The following HOOK2 variants were observed in gnomAD, a reference collection of about 807,000 sequenced individuals.
HOOK2 encodes hook microtubule tethering protein 2.
HOOK2 carries 108 observed loss-of-function variants against 111.9 expected under a neutral mutation model. That is an observed-to-expected ratio of 0.96 (90% CI 0.83 to 1.13). The LOEUF (loss-of-function observed/expected upper bound fraction) is 1.13, where lower values mean the gene tolerates loss of function less well. Ranked by LOEUF, HOOK2 falls within the 50% of genes most tolerant of loss-of-function variation. HOOK2 has a pLI of 0.00. For missense variants in HOOK2, 978 were observed against 951.3 expected (o/e 1.03, Z -0.37); for synonymous variants, 405 against 394.3 (o/e 1.03, Z -0.32).
At position 12,769,925 on chromosome 19, in the gene HOOK2, G is replaced by A. The variant is rs918508896; in HGVS notation, c.1060C>T (p.Arg354Ter). ...RTRQLEDELRRAGSLRAQLEA... is the reference protein window; with the variant it reads ...RTRQLEDELR ...AGCTGGGCGCGCAGGGAGCCCGCTC[G>A]GCGTAGCTCATCCTCCAGTTGTCGC... Residue 354 changes from arginine to a stop codon, truncating the protein, a stop_gained, in exon 11 of 23, where the codon CGA becomes TGA. Coordinates refer to ENST00000397668, the MANE Select transcript of HOOK2 (RefSeq NM_013312.3). LOFTEE classifies it high-confidence loss of function. The A allele has an allele frequency of 3.2e-6, 5 of 1,544,534 alleles. No individual in the cohort carries two copies. The highest frequency in any genetic ancestry group is 2.8e-5 in the African/African-American group (2 of 71,754).
At chr19:12,781,527 T>C (rs986201805), upstream of HOOK2, among the ~76,000 whole-genome samples, 18 of 151,386 alleles carry the variant, frequency 1.2e-4, no homozygotes, top group Admixed American at 2.6e-4. Flanking sequence ...GGGGTTTCAG[T>C]GTGTTAGCCA....
chr19:12,769,866 C>T lies in HOOK2; in HGVS notation c.1104+15G>A. 1 of 1,415,870 alleles carries T rather than the reference C, an allele frequency of 7.1e-7. No individual in the cohort carries two copies. The highest frequency in any genetic ancestry group is 9.1e-7 in the Non-Finnish European group (1 of 1,094,960). 87.7% of individuals were successfully genotyped at this position (1,415,870 alleles called of 1,614,324 possible). The stretch of plus-strand genomic sequence containing the variant: ...CAGGGGCGGGGCCCCGGCCCTAACC[C>T]CGCCCCCGCCGCACCTGCCGCCGCT... On this transcript the variant is annotated intron_variant, in intron 11 of 22. Transcript: ENST00000397668.
In HOOK2 at chr19:12,773,549, C is replaced by A. The variant is rs566466358; in HGVS notation, c.205-505G>T. Among the ~76,000 whole-genome samples, 25 of 152,048 alleles carry A rather than the reference C, an allele frequency of 1.6e-4. No individual in the cohort carries two copies. The South Asian group carries it at 5.0e-3, about 30-fold the overall frequency. On this transcript the variant is annotated intron_variant, in intron 3 of 22. Transcript: ENST00000397668. ...GGCATGAGCCACTGTGCCCGGCCTG[C>A]CTGACCATCTTCCTTCATATGTCTC...
intron 6 of HOOK2, 46 bp from the exon 7 acceptor site, chr19:12,772,298 C>T: frequency 6.3e-7 from 1 of 1,591,102 alleles, no homozygotes; most frequent in Non-Finnish European, 8.6e-7. Flanking sequence ...TATCTGAGGC[C>T]AGCCTTCAAA....
upstream of HOOK2, among the ~76,000 whole-genome samples, chr19:12,782,566 G>A (rs1257365286): frequency 3.3e-5 from 5 of 152,294 alleles, no homozygotes; most frequent in Non-Finnish European, 1.5e-5. Flanking sequence ...GAGACACGAC[G>A]GGGGTCGCTG....
At chr19:12,775,578 T>A (rs1449607934), upstream of HOOK2, 1 of 660,198 alleles carries the variant, frequency 1.5e-6, no homozygotes, top group Non-Finnish European at 1.9e-6. Flanking sequence ...CCCGCCCCCC[T>A]AGGCGCAGGC....
intron 3 of HOOK2, among the ~76,000 whole-genome samples, chr19:12,788,148 G>A (rs1968674135): frequency 6.6e-6 from 1 of 152,194 alleles, no homozygotes; most frequent in Admixed American, 6.5e-5. Context: ...TGCTTCTCTG[G>A]TTGTCATTAT....
chr19:12,769,197 C>A (rs565456096), intron 11 of HOOK2, among the ~76,000 whole-genome samples: 3 of 152,094 alleles, frequency 2.0e-5, no homozygotes, highest in South Asian at 4.2e-4. Context: ...GATCTCCTGA[C>A]CTCGGGATCC....
chr19:12,789,443 G>A (rs141929059), intron 3 of HOOK2, among the ~76,000 whole-genome samples: 1 of 152,278 alleles, frequency 6.6e-6, no homozygotes, highest in Non-Finnish European at 1.5e-5. Flanking sequence ...TCTAGGGAAG[G>A]AGGGGGGCTC....
In HOOK2 at chr19:12,790,003, C is replaced by T. The variant is rs886651597; in HGVS notation, n.42-15778G>A. Reference sequence around the variant, plus strand: ...GGGCCGGCCCGCGCTCAGTCCTGCCCGCGGACTCCCGCCTGTTGCCATGGC... The same window carrying T: ...GGGCCGGCCCGCGCTCAGTCCTGCCTGCGGACTCCCGCCTGTTGCCATGGC... On this transcript the variant is annotated intron_variant and non_coding_transcript_variant, in intron 3 of 3. Transcript: ENST00000589765. This position sits in a 1 kb window ranked among gnomAD's most constrained non-coding sequence, Gnocchi z 7.2. Among the ~76,000 whole-genome samples, 8 of 152,162 alleles carry T rather than the reference C, an allele frequency of 5.3e-5. No individual in the cohort carries two copies. The highest frequency in any genetic ancestry group is 8.8e-5 in the Non-Finnish European group (6 of 67,992).
chr19:12,784,354 G>A (rs1968636699), intron 3 of HOOK2, among the ~76,000 whole-genome samples: 1 of 152,074 alleles, frequency 6.6e-6, no homozygotes, highest in East Asian at 1.9e-4. Flanking sequence ...ATACAGCTGG[G>A]TAAGATGATC....
At position 12,771,058 on chromosome 19, in the gene HOOK2, C is replaced by A. The variant is rs1217380320; in HGVS notation, c.776G>T (p.Arg259Met). The change falls in exon 10 of 23, where the codon AGG becomes ATG. Residue 259 changes from arginine to methionine, a missense_variant. Physicochemically the swap from Arg to Met is moderately conservative, Grantham distance 91 (BLOSUM62 -1). Coordinates refer to ENST00000397668, the MANE Select transcript of HOOK2 (RefSeq NM_013312.3). Reference protein sequence around the residue: ...QEENFRLESGREDERLRCAEL... With the variant: ...QEENFRLESGMEDERLRCAEL... ...GGCACAGCGCAGGCGCTCATCCTCC[C>A]TGCCACTCTCCAGCCTGGGGGTGTT... is the stretch of plus-strand genomic sequence containing the variant. 2 of 1,612,820 alleles carry A rather than the reference C, an allele frequency of 1.2e-6. No individual in the cohort carries two copies. Among genetic ancestry groups the A allele is most frequent in the Non-Finnish European group, 1.7e-6 (2 of 1,179,112 alleles).
intron 1 of HOOK2, 103 bp from the exon 2 acceptor site, chr19:12,775,000 C>A: frequency 1.6e-6 from 2 of 1,226,940 alleles, no homozygotes; most frequent in Non-Finnish European, 2.3e-6. Flanking sequence ...CATGGTGGGG[C>A]GGGCGCTGCT....
chr19:12,785,885 AG>A (rs1328200363), intron 3 of HOOK2, among the ~76,000 whole-genome samples: 2 of 152,020 alleles, frequency 1.3e-5, no homozygotes, highest in African/African-American at 4.8e-5. Flanking sequence ...CACTTCCCCT[AG>A]GAGGCCTAGC....
upstream of HOOK2, among the ~76,000 whole-genome samples, chr19:12,782,699 G>A (rs1700685823): frequency 1.3e-5 from 2 of 152,160 alleles, no homozygotes; most frequent in South Asian, 4.1e-4. Context: ...GAGGCGCGCA[G>A]GGCAGGACCA....
Position 12,772,689 on chromosome 19 carries a change from C to T in HOOK2, c.389-9G>A, listed in dbSNP as rs1968371144. On this transcript the variant is annotated splice_polypyrimidine_tract_variant and intron_variant, in intron 5 of 22. Transcript: ENST00000397668. Reference sequence around the variant, plus strand: ...GATTCTCTGGATGTGGTCTGGGGATCAAGGTGGGGGAGGCTGAGACCCAGG... The same window carrying T: ...GATTCTCTGGATGTGGTCTGGGGATTAAGGTGGGGGAGGCTGAGACCCAGG... 5 of 1,614,154 alleles carry T rather than the reference C, an allele frequency of 3.1e-6. No individual in the cohort carries two copies. Among genetic ancestry groups the T allele is most frequent in the Non-Finnish European group, 4.2e-6 (5 of 1,179,994 alleles).
In HOOK2 at chr19:12,765,841, G is replaced by T; in HGVS notation, c.1600-7C>A. On this transcript the variant is annotated splice_region_variant and splice_polypyrimidine_tract_variant and intron_variant, in intron 16 of 22. Coordinates refer to ENST00000397668, the MANE Select transcript of HOOK2 (RefSeq NM_013312.3). Reference sequence around the variant, plus strand: ...CCATGGTACTTACAATGGCCTGTATGGGGCATCGGGCAGCATGGGAGAGAG... The same window carrying T: ...CCATGGTACTTACAATGGCCTGTATTGGGCATCGGGCAGCATGGGAGAGAG... 1.2e-6 allele frequency: 2 copies of T among 1,611,092 alleles called. No individual in the cohort carries two copies. Among genetic ancestry groups the T allele is most frequent in the South Asian group, 2.2e-5 (2 of 91,032 alleles).
chr19:12,775,282 C>T (rs1436237004), intron 1 of HOOK2, 123 bp downstream of exon 1: 4 of 1,484,078 alleles, frequency 2.7e-6, no homozygotes, highest in Non-Finnish European at 3.6e-6. Context: ...GTCCAACGGT[C>T]CAGCAAGTCG....
intron 6 of HOOK2, 129 bp from the exon 7 acceptor site, chr19:12,772,381 G>A: frequency 2.6e-6 from 3 of 1,135,488 alleles, no homozygotes; most frequent in East Asian, 4.7e-5. Flanking sequence ...CCCCAGCCCA[G>A]AGGCTGCCCT....
Sources: allele counts gnomAD v4.1 joint callset (sites outside exome capture counted in the v4.1 genomes callset), GRCh38; gene constraint gnomAD v4.1.1; non-coding constraint Gnocchi (gnomAD v3.1); transcripts MANE v1.5; gene names NCBI Gene and HGNC (gene_info 2026-07-23, HGNC 2026-07-21).